The following RALGPS1 variants were observed in gnomAD, a reference collection of about 807,000 sequenced individuals.
RALGPS1 encodes ras-specific guanine nucleotide-releasing factor RalGPS1.
Under a neutral mutation model 78.8 loss-of-function variants are expected in RALGPS1, and 19 were observed. The observed-to-expected ratio is 0.24, with a 90% CI of 0.17 to 0.35. The LOEUF (loss-of-function observed/expected upper bound fraction) is 0.35. RALGPS1 is among the 10% of genes least tolerant of loss of function. The pLI, the probability that RALGPS1 is intolerant of heterozygous loss-of-function variation, is 1.00. For missense variants in RALGPS1, 454 were observed against 688.3 expected, an observed-to-expected ratio of 0.66 and a Z score of 3.81; for synonymous variants, 228 against 256.3, an observed-to-expected ratio of 0.89 and a Z score of 1.06.
intron 8 of RALGPS1, among the ~76,000 whole-genome samples, chr9:127,145,861 A>G (rs2058064879): frequency 2.0e-5 from 3 of 152,176 alleles, no homozygotes; most frequent in African/African-American, 7.2e-5. Flanking sequence ...AATATAAATA[A>G]TGGCATTTAC....
chr9:127,208,732 A>G (rs867543574), intron 14 of RALGPS1, among the ~76,000 whole-genome samples: 2 of 152,154 alleles, frequency 1.3e-5, no homozygotes, highest in Admixed American at 1.3e-4. Flanking sequence ...GAGGGAGGAC[A>G]TGAGGAAAGG....
At chr9:127,108,119 G>A (rs774255661) in intron 8 of RALGPS1, 5 of 1,613,620 alleles carry the variant, frequency 3.1e-6, no homozygotes, top group Non-Finnish European at 4.2e-6. Flanking sequence ...GGCACCCTCT[G>A]GCAGTGCTCC....
Position 127,219,845 on chromosome 9 carries a change from T to G in RALGPS1, c.*1076T>G, listed in dbSNP as rs1216339472. ...TTCCTGATCATGACGGGAAGCTGAG[T>G]GACCCTGAGGCCTTAAGCTTCCCCA... On this transcript the variant is annotated 3_prime_UTR_variant, in exon 19 of 19. Coordinates refer to ENST00000259351, the MANE Select transcript of RALGPS1 (RefSeq NM_014636.3). This position sits in a 1 kb window ranked among gnomAD's most constrained non-coding sequence, Gnocchi z 5.0. 1 of 152,614 alleles carries G rather than the reference T, an allele frequency of 6.6e-6. No individual in the cohort carries two copies. The highest frequency in any genetic ancestry group is 1.5e-5 in the Non-Finnish European group (1 of 68,056). The allele number at this position is 152,614 out of a possible 1,614,324, so 9.5% of individuals were successfully genotyped here. A position where few individuals can be genotyped will look rare whatever the true frequency, so the allele number is the denominator to read the frequency against.
In RALGPS1 at chr9:127,123,292, G is replaced by A. The variant is rs546455312; in HGVS notation, c.611-42777G>A. ...ACAGTGGAAATACCACAGGCTGAGG[G>A]TGGAGGCAGCCCTGGAGGAAAGCTC... On this transcript the variant is annotated intron_variant, in intron 8 of 18. Transcript: ENST00000259351. Among the ~76,000 whole-genome samples the A allele has an allele frequency of 4.6e-5, 7 of 152,372 alleles. No homozygotes were observed. In the South Asian group the frequency reaches 1.4e-3, roughly 32 times the overall value.
At chr9:126,948,242 G>A (rs543394526) in intron 1 of RALGPS1, among the ~76,000 whole-genome samples, 12 of 152,148 alleles carry the variant, frequency 7.9e-5, no homozygotes, top group Admixed American at 2.0e-4. Context: ...GAGGCTGGGC[G>A]CAGTGGCTCA....
At chr9:127,089,915 G>A (rs2052259413) in intron 8 of RALGPS1, among the ~76,000 whole-genome samples, 1 of 152,188 alleles carries the variant, frequency 6.6e-6, no homozygotes, top group Non-Finnish European at 1.5e-5. Context: ...ACTGGGCCTG[G>A]CAAGGGGACC....
At chr9:127,132,077 T>C (rs1353985804) in intron 8 of RALGPS1, among the ~76,000 whole-genome samples, 1 of 152,192 alleles carries the variant, frequency 6.6e-6, no homozygotes, top group African/African-American at 2.4e-5. Context: ...ATAACCTGCA[T>C]CTGAGAGCTG....
At chr9:127,088,670 T>C in intron 8 of RALGPS1, 1 of 503,458 alleles carries the variant, frequency 2.0e-6, no homozygotes, top group Non-Finnish European at 3.6e-6. Context: ...TGTAGAGACT[T>C]AATTTATTTA....
rs1168928766 is a variant in RALGPS1 at position 127,218,892 on chromosome 9, G to A, written c.*123G>A. 8.7e-6 allele frequency: 10 copies of A among 1,144,736 alleles called. No individual in the cohort carries two copies. In the Admixed American group the frequency reaches 1.0e-4, roughly 12 times the overall value. The allele number at this position is 1,144,736 out of a possible 1,614,324, so 70.9% of individuals were successfully genotyped here. ...GCTGGGAAACTCACAGCTGGACTCA[G>A]GGGACACGGCCTGTGGCCTCACCAT... On this transcript the variant is annotated 3_prime_UTR_variant, in exon 19 of 19. Transcript: ENST00000259351. The surrounding 1 kb of genome is among the most constrained non-coding windows in gnomAD (Gnocchi z 4.4).
chr9:127,216,895 A>G (rs1349083774), intron 18 of RALGPS1: 3 of 1,535,736 alleles, frequency 2.0e-6, no homozygotes, highest in Middle Eastern at 1.7e-4. Context: ...AAGCTCCCCT[A>G]CCACACACAG....
At chr9:127,111,499 G>A (rs1022320884) in intron 8 of RALGPS1, among the ~76,000 whole-genome samples, 1 of 152,230 alleles carries the variant, frequency 6.6e-6, no homozygotes, top group Admixed American at 6.5e-5. Context: ...GCCAACAGCT[G>A]CTGAGCAGCT....
chr9:126,942,055 G>A (rs2036844557), intron 1 of RALGPS1, among the ~76,000 whole-genome samples: 1 of 152,198 alleles, frequency 6.6e-6, no homozygotes, highest in Non-Finnish European at 1.5e-5. Context: ...TGAGAAAGCT[G>A]AGGTTTAGAG....
intron 6 of RALGPS1, among the ~76,000 whole-genome samples, chr9:127,050,807 G>A (rs1329596214): frequency 6.6e-6 from 1 of 152,142 alleles, no homozygotes; most frequent in African/African-American, 2.4e-5. Flanking sequence ...ACTCTCAGCC[G>A]CAGCATCGTG....
At chr9:126,980,901 A>T (rs2132796407) in intron 4 of RALGPS1, among the ~76,000 whole-genome samples, 1 of 152,292 alleles carries the variant, frequency 6.6e-6, no homozygotes, top group East Asian at 1.9e-4. Flanking sequence ...TGTGTAAGCA[A>T]TATAGTTTAT....
At chr9:127,024,827 A>G (rs2045825095) in intron 4 of RALGPS1, among the ~76,000 whole-genome samples, 1 of 152,152 alleles carries the variant, frequency 6.6e-6, no homozygotes, top group Non-Finnish European at 1.5e-5. Flanking sequence ...AGTGTGAACT[A>G]GTTGTTTTCC....
intron 8 of RALGPS1, among the ~76,000 whole-genome samples, chr9:127,164,779 A>G (rs576844304): frequency 1.3e-5 from 2 of 151,934 alleles, no homozygotes; most frequent in Admixed American, 6.5e-5. Flanking sequence ...GGCTCGAGCA[A>G]TCCGCTCACC....
At chr9:127,028,461 T>C (rs12343803) in intron 4 of RALGPS1, among the ~76,000 whole-genome samples, 21,428 of 152,250 alleles carry the variant, frequency 0.14, 4,945 homozygotes, top group African/African-American at 0.49. Context: ...CTGTGGAGTG[T>C]GTAGCACAGT....
chr9:127,187,830 G>A (rs1485398068), intron 11 of RALGPS1, among the ~76,000 whole-genome samples: 1 of 152,176 alleles, frequency 6.6e-6, no homozygotes, highest in Non-Finnish European at 1.5e-5. Flanking sequence ...ACAACTGCAC[G>A]AGATGTTTCC....
At chr9:127,054,157 C>T (rs901546076) in intron 7 of RALGPS1, among the ~76,000 whole-genome samples, 3 of 152,184 alleles carry the variant, frequency 2.0e-5, no homozygotes, top group African/African-American at 7.2e-5. Context: ...TGAGCAATGG[C>T]TTTGGAGGTC....
Sources: allele counts gnomAD v4.1 joint callset (sites outside exome capture counted in the v4.1 genomes callset), GRCh38; gene constraint gnomAD v4.1.1; non-coding constraint Gnocchi (gnomAD v3.1); transcripts MANE v1.5; gene names NCBI Gene and HGNC (gene_info 2026-07-23, HGNC 2026-07-21).